KDM4C: variants seen among roughly 807,000 people sequenced by gnomAD.
KDM4C encodes the protein lysine demethylase 4C.
Under a neutral mutation model 129.3 loss-of-function variants are expected in KDM4C, and 81 were observed. That is an observed-to-expected ratio of 0.63 (90% CI 0.52 to 0.75). The LOEUF is 0.75. Ranked by LOEUF, KDM4C falls within the 30% of genes least tolerant of loss-of-function variation. The pLI, the probability that KDM4C is intolerant of heterozygous loss-of-function variation, is 0.00. For synonymous variants in KDM4C, 573 were observed against 456.1 expected, an observed-to-expected ratio of 1.26 and a Z score of -3.26; for missense variants, 1,457 against 1,304.0, an observed-to-expected ratio of 1.12 and a Z score of -1.81.
At chr9:7,089,068 A>C (rs1835484209) in intron 17 of KDM4C, among the ~76,000 whole-genome samples, 1 of 152,230 alleles carries the variant, frequency 6.6e-6, no homozygotes, top group Non-Finnish European at 1.5e-5. Flanking sequence ...GTTAAAAAAC[A>C]AAACAGGAAG....
At chr9:6,777,111 G>T (rs1432205307) in intron 1 of KDM4C, among the ~76,000 whole-genome samples, 2 of 152,058 alleles carry the variant, frequency 1.3e-5, no homozygotes, top group Non-Finnish European at 2.9e-5. Context: ...CACTTACTCT[G>T]TAGTCAGTTG....
At chr9:6,784,497 G>C (rs1217740136) in intron 1 of KDM4C, among the ~76,000 whole-genome samples, 1 of 152,052 alleles carries the variant, frequency 6.6e-6, no homozygotes, top group East Asian at 1.9e-4. Context: ...CTCCCAAAGT[G>C]GTGAGATTAC....
At chr9:6,855,555 G>A (rs1588714600) in intron 5 of KDM4C, among the ~76,000 whole-genome samples, 1 of 150,856 alleles carries the variant, frequency 6.6e-6, no homozygotes, top group East Asian at 1.9e-4. Context: ...GCATGGCTCA[G>A]TCTAGGAAAT....
chr9:6,785,789 TGG>T (rs1188699616), intron 1 of KDM4C, among the ~76,000 whole-genome samples: 1 of 152,204 alleles, frequency 6.6e-6, no homozygotes, highest in African/African-American at 2.4e-5. Context: ...GCGTGTCTTT[TGG>T]GGGGACACAA....
chr9:6,785,277 C>T (rs1036867934), intron 1 of KDM4C, among the ~76,000 whole-genome samples: 1 of 151,644 alleles, frequency 6.6e-6, no homozygotes, highest in African/African-American at 2.4e-5. Context: ...AGCTGCATGA[C>T]TCTAGTCCCT....
At chr9:7,058,441 C>T (rs1033276713) in intron 17 of KDM4C, among the ~76,000 whole-genome samples, 1 of 152,168 alleles carries the variant, frequency 6.6e-6, no homozygotes, top group Admixed American at 6.5e-5. Flanking sequence ...ATATTCTCAC[C>T]GTGTCCAGTT....
Position 7,064,015 on chromosome 9 carries a change from G to A in KDM4C, c.2424+14815G>A, listed in dbSNP as rs1005318827. Reference sequence around the variant, plus strand: ...GGCTGCTTACAGCTACCCTGCGCTTGGAATGTGTCAGTGTTACTGAAGAAC... The same window carrying A: ...GGCTGCTTACAGCTACCCTGCGCTTAGAATGTGTCAGTGTTACTGAAGAAC... On this transcript the variant is annotated intron_variant, in intron 17 of 21. Transcript: ENST00000381309. Among the ~76,000 whole-genome samples the A allele has an allele frequency of 3.2e-4, 48 of 152,176 alleles. 1 individual carries two copies. The highest frequency in any genetic ancestry group is 1.2e-4 in the Non-Finnish European group (8 of 68,020).
At chr9:6,911,803 A>G (rs1168188542) in intron 8 of KDM4C, among the ~76,000 whole-genome samples, 1 of 152,210 alleles carries the variant, frequency 6.6e-6, no homozygotes. Flanking sequence ...GCTCTGCATA[A>G]GAACATGGGA....
At chr9:6,992,804 A>C (rs952730787) in intron 12 of KDM4C, among the ~76,000 whole-genome samples, 1 of 152,146 alleles carries the variant, frequency 6.6e-6, no homozygotes, top group Non-Finnish European at 1.5e-5. Context: ...GAGCATAACT[A>C]TATTAGAGCA....
At chr9:6,834,435 C>T in intron 4 of KDM4C, 2 of 449,696 alleles carry the variant, frequency 4.4e-6, no homozygotes, top group Admixed American at 5.6e-5. Flanking sequence ...GCTGCCTGTC[C>T]ACACCCGCTA....
At chr9:6,980,688 A>C (rs818912) in intron 8 of KDM4C, among the ~76,000 whole-genome samples, 114,571 of 152,046 alleles carry the variant, frequency 0.75, 43,531 homozygotes, top group Middle Eastern at 0.81. Context: ...TTCTTAGTAC[A>C]TAGTTCCCTG....
chr9:7,160,247 G>T (rs1026375327), intron 19 of KDM4C, among the ~76,000 whole-genome samples: 7 of 152,024 alleles, frequency 4.6e-5, no homozygotes, highest in Non-Finnish European at 1.5e-5. Context: ...TTTTTTCAAG[G>T]TTTTTAGCTT....
Position 6,847,658 on chromosome 9 carries a change from G to C in KDM4C, c.436-1849G>C, listed in dbSNP as rs569675020. Among the ~76,000 whole-genome samples, 38 of 152,314 alleles carry C rather than the reference G, an allele frequency of 2.5e-4. No homozygotes were observed. The South Asian group carries it at 7.9e-3, about 32-fold the overall frequency. ...ACCCGCCTCGGCCTCCCAAAGTGCTGGGATTACAGGCGTGAGTCTCCGCGC... is the reference window on the plus strand; with the variant it reads ...ACCCGCCTCGGCCTCCCAAAGTGCTCGGATTACAGGCGTGAGTCTCCGCGC... On this transcript the variant is annotated intron_variant, in intron 4 of 21. Coordinates refer to ENST00000381309, the MANE Select transcript of KDM4C (RefSeq NM_015061.6).
At chr9:7,110,469 C>CG (rs1273275627) in intron 18 of KDM4C, among the ~76,000 whole-genome samples, 2 of 152,058 alleles carry the variant, frequency 1.3e-5, no homozygotes, top group Admixed American at 6.6e-5. Context: ...TTCTCCTTTC[C>CG]TAAGTGATGC....
intron 19 of KDM4C, among the ~76,000 whole-genome samples, chr9:7,152,023 T>C (rs1465275530): frequency 2.0e-5 from 3 of 152,258 alleles, no homozygotes; most frequent in African/African-American, 7.2e-5. Flanking sequence ...TGAGATTGCC[T>C]GGAAAGGCAT....
chr9:7,132,265 A>G (rs772741161), intron 19 of KDM4C, among the ~76,000 whole-genome samples: 24 of 152,246 alleles, frequency 1.6e-4, no homozygotes, highest in Admixed American at 6.5e-4. Context: ...ATGATTACAA[A>G]TCATTTCATA....
At chr9:6,731,520 A>G (rs1434719064) in intron 1 of KDM4C, among the ~76,000 whole-genome samples, 5 of 151,720 alleles carry the variant, frequency 3.3e-5, no homozygotes, top group Admixed American at 6.6e-5. Context: ...TTTTTAGTAG[A>G]GACGGGGTTT....
intron 11 of KDM4C, 173 bp downstream of exon 11, chr9:6,986,839 T>C (rs1180585728): frequency 3.7e-6 from 2 of 539,582 alleles, no homozygotes; most frequent in African/African-American, 3.8e-5. Flanking sequence ...CTGTGAGCTG[T>C]GGCTCACATA....
At chr9:6,865,354 T>C (rs1317748895) in intron 5 of KDM4C, among the ~76,000 whole-genome samples, 2 of 152,194 alleles carry the variant, frequency 1.3e-5, no homozygotes, top group African/African-American at 4.8e-5. Flanking sequence ...TTCTGTGTTA[T>C]CTTGGAGATT....
Sources: allele counts gnomAD v4.1 joint callset (sites outside exome capture counted in the v4.1 genomes callset), GRCh38; gene constraint gnomAD v4.1.1; transcripts MANE v1.5; gene names NCBI Gene and HGNC (gene_info 2026-07-23, HGNC 2026-07-21).